Variants in RBM10 observed in about 807,000 individuals in gnomAD.
The protein encoded by RBM10 is RNA-binding protein 10.
RBM10 carries 1 observed loss-of-function variant against 84.9 expected under a neutral mutation model. The ratio of observed to expected loss-of-function variants is 0.01; its 90% CI spans 0.00 to 0.06. The LOEUF (loss-of-function observed/expected upper bound fraction) is 0.06, where lower values mean the gene tolerates loss of function less well. Ranked by LOEUF, RBM10 falls within the 10% of genes least tolerant of loss-of-function variation. RBM10 has a pLI of 1.00. For missense variants in RBM10, 438 were observed against 839.0 expected, an observed-to-expected ratio of 0.52 and a Z score of 5.90; for synonymous variants, 326 against 344.5, an observed-to-expected ratio of 0.95 and a Z score of 0.60.
intron 17 of RBM10, 142 bp from the exon 18 acceptor site, chrX:47,184,913 A>T: frequency 1.4e-6 from 1 of 702,306 alleles, no homozygotes; most frequent in Non-Finnish European, 2.1e-6. Context: ...CCCAGAGGCC[A>T]GATGAAGCCT....
chrX:47,181,321 C>G lies in RBM10; in HGVS notation c.1355C>G (p.Ser452Cys), dbSNP rs2147185227. The G allele has an allele frequency of 8.4e-7, 1 of 1,194,295 alleles. No homozygotes were observed. Among genetic ancestry groups the G allele is most frequent in the Non-Finnish European group, 1.1e-6 (1 of 886,252 alleles). Residue 452 changes from serine to cysteine, a missense_variant, in exon 13 of 24, where the codon TCT becomes TGT. Transcript: ENST00000377604. ...TATGGCAACAGCCAGGGCACAGAGT[C>G]TTCCCTCTATGCCCATGGCTACCTC... Reference protein sequence around the residue: ...EGYGNSQGTESSLYAHGYLKG... With the variant: ...EGYGNSQGTECSLYAHGYLKG...
chrX:47,152,441 CTTTTTTT>C (rs782688935), intron 2 of RBM10, among the ~76,000 whole-genome samples: 3 of 65,239 alleles, frequency 4.6e-5, no homozygotes, highest in African/African-American at 1.4e-4. Flanking sequence ...CACTCTATAT[CTTTTTTT>C]TTTTTTTTTT....
chrX:47,150,232 G>C (rs945323150), intron 2 of RBM10, among the ~76,000 whole-genome samples: 2 of 110,685 alleles, frequency 1.8e-5, no homozygotes, highest in African/African-American at 6.6e-5. Context: ...GCAGTGGCAC[G>C]ATCTCGGCTC....
intron 6 of RBM10, among the ~76,000 whole-genome samples, chrX:47,176,294 C>T (rs1935143823): frequency 2.7e-5 from 3 of 111,879 alleles, no homozygotes; most frequent in Admixed American, 9.4e-5. Context: ...TGCGTGTGCC[C>T]GGCAGAGCAG....
chrX:47,184,598 C>T (rs1245192285), intron 17 of RBM10, among the ~76,000 whole-genome samples: 4 of 111,033 alleles, frequency 3.6e-5, no homozygotes, highest in Admixed American at 9.6e-5. Context: ...GTGTCCCTCA[C>T]CTTCTGATTG....
At chrX:47,165,332 T>A (rs1934086669) in intron 2 of RBM10, among the ~76,000 whole-genome samples, 1 of 94,429 alleles carries the variant, frequency 1.1e-5, no homozygotes, top group Admixed American at 1.2e-4. Flanking sequence ...CCTGACCAAC[T>A]TGGAGAAACC....
At chrX:47,150,851 C>T (rs1285443391) in intron 2 of RBM10, among the ~76,000 whole-genome samples, 1 of 111,872 alleles carries the variant, frequency 8.9e-6, no homozygotes, top group Non-Finnish European at 1.9e-5. Flanking sequence ...CCCTCAAAAA[C>T]AACAAGAATT....
At chrX:47,177,788 A>AT (rs1241471058) in intron 7 of RBM10, among the ~76,000 whole-genome samples, 7 of 110,046 alleles carry the variant, frequency 6.4e-5, no homozygotes, top group African/African-American at 9.9e-5. Context: ...TTTTATTTTT[A>AT]TTTTTTTTGG....
chrX:47,176,159 G>T (rs1935127798), intron 6 of RBM10, among the ~76,000 whole-genome samples: 1 of 105,816 alleles, frequency 9.5e-6, no homozygotes, highest in African/African-American at 3.5e-5. Flanking sequence ...AGTGTAGCCT[G>T]TGTAGTCCTG....
chrX:47,157,326 T>C, intron 2 of RBM10: 1 of 331,558 alleles, frequency 3.0e-6, no homozygotes. Context: ...GTTGATGAAA[T>C]TCTAGACCAC....
intron 2 of RBM10, among the ~76,000 whole-genome samples, chrX:47,159,302 G>A (rs781898061): frequency 9.1e-5 from 10 of 109,876 alleles, no homozygotes; most frequent in Non-Finnish European, 1.3e-4. Flanking sequence ...ACAGCTACTC[G>A]GGAGGCTGAG....
chrX:47,147,603 T>G, intron 2 of RBM10, 105 bp downstream of exon 2: 1 of 1,001,591 alleles, frequency 1.0e-6, no homozygotes, highest in Middle Eastern at 2.6e-4. Flanking sequence ...GGAAACAGCA[T>G]AGCAGATGAT....
intron 2 of RBM10, among the ~76,000 whole-genome samples, chrX:47,165,242 G>A (rs930665882): frequency 1.3e-4 from 15 of 111,549 alleles, no homozygotes; most frequent in African/African-American, 3.3e-4. Context: ...TTGGCTGGGC[G>A]CGGTGGCTCA....
chrX:47,183,350 G>A (rs1022941326), intron 17 of RBM10, among the ~76,000 whole-genome samples: 1 of 110,878 alleles, frequency 9.0e-6, no homozygotes, highest in Non-Finnish European at 1.9e-5. Flanking sequence ...GCGAAACCCC[G>A]TCTCTACTAA....
intron 2 of RBM10, among the ~76,000 whole-genome samples, chrX:47,150,928 A>G (rs1186040411): frequency 8.9e-6 from 1 of 112,367 alleles, no homozygotes; most frequent in Non-Finnish European, 1.9e-5. Context: ...TAGTCATTTC[A>G]TCTAAGACCT....
intron 6 of RBM10, among the ~76,000 whole-genome samples, chrX:47,175,948 T>TG (rs1185581429): frequency 8.9e-6 from 1 of 112,188 alleles, no homozygotes; most frequent in Non-Finnish European, 1.9e-5. Flanking sequence ...GAGGCAGCCC[T>TG]GGGGCCGTCT....
chrX:47,157,767 T>C, intron 2 of RBM10: 1 of 424,977 alleles, frequency 2.4e-6, no homozygotes, highest in Non-Finnish European at 4.1e-6. Context: ...CCGGCTGAGG[T>C]TCAGCTGCAT....
intron 12 of RBM10, among the ~76,000 whole-genome samples, chrX:47,180,761 C>A (rs1238703967): frequency 8.9e-6 from 1 of 111,887 alleles, no homozygotes; most frequent in Non-Finnish European, 1.9e-5. Context: ...GCATTCTGTG[C>A]TGTTTGGTGG....
At chrX:47,154,601 G>A (rs1370562876) in intron 2 of RBM10, among the ~76,000 whole-genome samples, 1 of 109,292 alleles carries the variant, frequency 9.1e-6, no homozygotes, top group African/African-American at 3.3e-5. Flanking sequence ...ACAGGCCCGT[G>A]CCACCACACC....
Sources: allele counts gnomAD v4.1 joint callset (sites outside exome capture counted in the v4.1 genomes callset), GRCh38; gene constraint gnomAD v4.1.1; transcripts MANE v1.5; gene names NCBI Gene and HGNC (gene_info 2026-07-23, HGNC 2026-07-21).